ATP8B1: variants seen among roughly 807,000 people sequenced by gnomAD.
The protein encoded by ATP8B1 is phospholipid-transporting ATPase IC.
Under a neutral mutation model 149.9 loss-of-function variants are expected in ATP8B1, and 80 were observed. That is an observed-to-expected ratio of 0.53 (90% confidence interval 0.45 to 0.64). The LOEUF is 0.64. Ranked by LOEUF, ATP8B1 falls within the 30% of genes least tolerant of loss-of-function variation. The pLI, the probability that ATP8B1 is intolerant of heterozygous loss-of-function variation, is 0.00. For synonymous variants in ATP8B1, 536 were observed against 562.8 expected (o/e 0.95, Z 0.67); for missense variants, 1,247 against 1,552.6 (o/e 0.80, Z 3.31).
At chr18:57,735,669 C>T (rs757284639) in intron 1 of ATP8B1, 18 of 152,150 alleles carry the variant, frequency 1.2e-4, no homozygotes, top group South Asian at 2.1e-4. Flanking sequence ...CCTGGCAGTA[C>T]GTATACTTTC....
intron 4 of ATP8B1, among the ~76,000 whole-genome samples, chr18:57,701,737 C>T (rs1441094875): frequency 6.6e-6 from 1 of 151,472 alleles, no homozygotes; most frequent in Non-Finnish European, 1.5e-5. Flanking sequence ...CCTCTGTCAC[C>T]CAGGCTGGAG....
chr18:57,768,887 C>T (rs1162336143), intron 1 of ATP8B1, among the ~76,000 whole-genome samples: 1 of 152,174 alleles, frequency 6.6e-6, no homozygotes, highest in East Asian at 1.9e-4. Context: ...TCCAAGAAGC[C>T]AGAGGTAGAT....
At chr18:57,658,211 G>A (rs1249952331) in intron 22 of ATP8B1, among the ~76,000 whole-genome samples, 2 of 151,926 alleles carry the variant, frequency 1.3e-5, no homozygotes, top group African/African-American at 4.8e-5. Flanking sequence ...CCCCATGCCC[G>A]GCTAATTTTT....
intron 12 of ATP8B1, among the ~76,000 whole-genome samples, chr18:57,690,048 CAAAA>C (rs1379130539): frequency 4.0e-5 from 6 of 151,856 alleles, no homozygotes; most frequent in Non-Finnish European, 8.8e-5. Flanking sequence ...AACAAACAAA[CAAAA>C]ATCAAAGCAA....
At chr18:57,697,933 T>C in intron 6 of ATP8B1, 66 bp from the exon 7 acceptor site, 1 of 1,398,084 alleles carries the variant, frequency 7.2e-7, no homozygotes, top group South Asian at 1.2e-5. Flanking sequence ...TTACTATTCT[T>C]TCTGGATGTT....
At chr18:57,653,090 A>C (rs901071699) in intron 24 of ATP8B1, among the ~76,000 whole-genome samples, 2 of 152,156 alleles carry the variant, frequency 1.3e-5, no homozygotes, top group African/African-American at 4.8e-5. Context: ...TTCTCATACA[A>C]GTTGATGAGT....
intron 4 of ATP8B1, among the ~76,000 whole-genome samples, chr18:57,701,853 C>CA (rs1220648504): frequency 9.2e-5 from 14 of 151,688 alleles, no homozygotes; most frequent in Non-Finnish European, 1.8e-4. Context: ...GTGCCACCAC[C>CA]CCCGGCTAAT....
chr18:57,743,500 G>T (rs922500407), intron 1 of ATP8B1, among the ~76,000 whole-genome samples: 2 of 152,190 alleles, frequency 1.3e-5, no homozygotes, highest in Admixed American at 1.3e-4. Flanking sequence ...AATGTATGCC[G>T]CTGAAGAGTG....
At chr18:57,716,840 A>G (rs921944426) in intron 2 of ATP8B1, among the ~76,000 whole-genome samples, 3 of 152,232 alleles carry the variant, frequency 2.0e-5, no homozygotes, top group Non-Finnish European at 4.4e-5. Context: ...AGATATTTAT[A>G]AAATATTTCA....
intron 27 of ATP8B1, 139 bp from the exon 28 acceptor site, chr18:57,648,851 C>CGTGTGTGTGTGT (rs1555687043): frequency 1.9e-6 from 1 of 520,772 alleles, no homozygotes; most frequent in East Asian, 3.3e-5. Context: ...TCTGTCCCCA[C>CGTGTGTGTGTGT]TTGTGTGTGT....
chr18:57,772,595 C>G (rs2080272462), intron 1 of ATP8B1, among the ~76,000 whole-genome samples: 1 of 152,082 alleles, frequency 6.6e-6, no homozygotes, highest in African/African-American at 2.4e-5. Flanking sequence ...AGGGAGAGGC[C>G]ATCTGAGTTC....
intron 1 of ATP8B1, among the ~76,000 whole-genome samples, chr18:57,732,413 A>G (rs1036212286): frequency 6.7e-6 from 1 of 150,354 alleles, no homozygotes; most frequent in Non-Finnish European, 1.5e-5. Flanking sequence ...TCTCAATGAA[A>G]TAAATTTAGT....
intron 1 of ATP8B1, among the ~76,000 whole-genome samples, chr18:57,771,540 C>G (rs143786641): frequency 4.6e-4 from 70 of 152,288 alleles, no homozygotes; most frequent in African/African-American, 1.6e-3. Flanking sequence ...TGACAAGTTA[C>G]ATTTGGACAT....
At chr18:57,677,413 G>A (rs940982818) in intron 15 of ATP8B1, among the ~76,000 whole-genome samples, 11 of 152,092 alleles carry the variant, frequency 7.2e-5, no homozygotes, top group African/African-American at 1.7e-4. Context: ...AAGCATTTCC[G>A]TGGCCAGATG....
intron 1 of ATP8B1, among the ~76,000 whole-genome samples, chr18:57,773,680 TC>T (rs2080283466): frequency 6.6e-6 from 1 of 152,024 alleles, no homozygotes; most frequent in Non-Finnish European, 1.5e-5. Context: ...AACTCCATTA[TC>T]CCCCAGGCTT....
rs752188347 is a variant in ATP8B1, at chr18:57,674,941, G to C, written c.1712C>G (p.Ala571Gly). The stretch of plus-strand genomic sequence containing the variant: ...GATGGTGATGGTGTTCTGGGTCCTG[G>C]CGAGGAAGGCAAAGCCAAAGTTCCT... ...AARNFGFAFLARTQNTITISE... is the reference protein window; with the variant it reads ...AARNFGFAFLGRTQNTITISE... The change falls in exon 16 of 28, where the codon GCC becomes GGC. Residue 571 changes from alanine to glycine, a missense_variant. Ala to Gly is a moderately conservative substitution (Grantham distance 60, BLOSUM62 0). Around this residue, in one of 3 missense-constraint regions of ATP8B1, gnomAD observed 853 missense variants for 1,035.7 expected, o/e 0.82. Coordinates refer to ENST00000648908, the MANE Select transcript of ATP8B1 (RefSeq NM_001374385.1). 2 of 1,614,240 alleles carry C rather than the reference G, an allele frequency of 1.2e-6. No individual in the cohort carries two copies. Among genetic ancestry groups the C allele is most frequent in the South Asian group, 2.2e-5 (2 of 91,088 alleles).
At chr18:57,689,753 C>T (rs1323113903) in intron 12 of ATP8B1, among the ~76,000 whole-genome samples, 1 of 152,210 alleles carries the variant, frequency 6.6e-6, no homozygotes. Flanking sequence ...TGTGGTGGCT[C>T]ACGCCTGTAA....
intron 2 of ATP8B1, among the ~76,000 whole-genome samples, chr18:57,731,016 A>G (rs576266477): frequency 4.6e-5 from 7 of 152,276 alleles, no homozygotes; most frequent in Middle Eastern, 3.4e-3. Context: ...TACACTGGCT[A>G]CGCATCGTAG....
intron 23 of ATP8B1, among the ~76,000 whole-genome samples, chr18:57,654,360 C>T (rs1259350023): frequency 6.6e-6 from 1 of 151,682 alleles, no homozygotes; most frequent in Non-Finnish European, 1.5e-5. Context: ...ACTCTGTCGC[C>T]CAGGCTGGAG....
Sources: allele counts gnomAD v4.1 joint callset (sites outside exome capture counted in the v4.1 genomes callset), GRCh38; gene constraint gnomAD v4.1.1; regional missense constraint gnomAD v4.1.1; transcripts MANE v1.5; gene names NCBI Gene and HGNC (gene_info 2026-07-23, HGNC 2026-07-21).